Variants in AGBL3 observed in about 807,000 individuals in gnomAD.
AGBL3 encodes cytosolic carboxypeptidase 3.
Under a neutral mutation model 94.5 loss-of-function variants are expected in AGBL3, and 68 were observed. The observed-to-expected ratio is 0.72, with a 90% CI of 0.59 to 0.88. The LOEUF (loss-of-function observed/expected upper bound fraction) is 0.88, where lower values mean the gene tolerates loss of function less well. Ranked by LOEUF, AGBL3 falls within the 40% of genes least tolerant of loss-of-function variation. The pLI is 0.00. For missense variants in AGBL3, 934 were observed against 1,103.8 expected (o/e 0.85, Z 2.18); for synonymous variants, 354 against 370.7 (o/e 0.95, Z 0.52).
At chr7:134,999,960 T>C (rs1337856346) in intron 4 of AGBL3, among the ~76,000 whole-genome samples, 3 of 152,216 alleles carry the variant, frequency 2.0e-5, no homozygotes, top group Non-Finnish European at 2.9e-5. Context: ...GAGCTGTTCA[T>C]AGGGCACAGC....
intron 12 of AGBL3, among the ~76,000 whole-genome samples, chr7:135,068,806 T>C (rs1376122307): frequency 6.6e-6 from 1 of 152,160 alleles, no homozygotes; most frequent in African/African-American, 2.4e-5. Flanking sequence ...AGACCATCGA[T>C]GCTAGGAAGA....
At chr7:135,042,994 T>C (rs971340210) in intron 8 of AGBL3, among the ~76,000 whole-genome samples, 2 of 152,160 alleles carry the variant, frequency 1.3e-5, no homozygotes, top group Non-Finnish European at 2.9e-5. Flanking sequence ...AAATTGCACC[T>C]CAAAAAATTT....
intron 8 of AGBL3, among the ~76,000 whole-genome samples, chr7:135,042,843 T>TA (rs1418840913): frequency 1.3e-5 from 2 of 152,078 alleles, no homozygotes; most frequent in Non-Finnish European, 2.9e-5. Context: ...GCCCAGGAGT[T>TA]TGAGACTGCA....
intron 15 of AGBL3, among the ~76,000 whole-genome samples, chr7:135,097,023 C>G (rs972476313): frequency 1.3e-5 from 2 of 152,098 alleles, no homozygotes; most frequent in African/African-American, 4.8e-5. Flanking sequence ...TTTTATGACC[C>G]AAGAAGATAC....
At chr7:135,088,028 C>G (rs1257893563) in intron 15 of AGBL3, among the ~76,000 whole-genome samples, 2 of 151,986 alleles carry the variant, frequency 1.3e-5, no homozygotes, top group Non-Finnish European at 2.9e-5. Context: ...TATTCACAAT[C>G]ATTATATCTT....
intron 5 of AGBL3, among the ~76,000 whole-genome samples, chr7:135,029,743 T>G (rs1274606625): frequency 6.6e-6 from 1 of 152,242 alleles, no homozygotes; most frequent in Non-Finnish European, 1.5e-5. Context: ...GCTTTTGACA[T>G]GCCTTCCTCA....
chr7:135,047,448 C>T (rs370146716), intron 11 of AGBL3, among the ~76,000 whole-genome samples: 8 of 151,946 alleles, frequency 5.3e-5, no homozygotes, highest in Admixed American at 3.9e-4. Flanking sequence ...TTCTGAGGAA[C>T]CTCTGTGCTG....
At chr7:135,016,876 T>C (rs1481708707) in intron 4 of AGBL3, among the ~76,000 whole-genome samples, 176 bp from the exon 5 acceptor site, 4 of 152,196 alleles carry the variant, frequency 2.6e-5, no homozygotes, top group African/African-American at 9.6e-5. Flanking sequence ...ATGTCATAAG[T>C]TGTATTACAG....
chr7:135,115,425 T>C lies in AGBL3; in HGVS notation c.2156T>C (p.Phe719Ser), dbSNP rs776435914. 1.9e-6 allele frequency: 3 copies of C among 1,551,246 alleles called. No individual in the cohort carries two copies. The South Asian group carries it at 3.6e-5, about 18-fold the overall frequency. The change falls in exon 16 of 17, where the codon TTC becomes TCC. Residue 719 changes from phenylalanine (F) to serine (S), a missense_variant. Around this residue, in one of 3 missense-constraint regions of AGBL3, gnomAD observed 441 missense variants for 518.2 expected, o/e 0.85. Coordinates refer to ENST00000436302, the MANE Select transcript of AGBL3 (RefSeq NM_178563.4). ...LKSKIKECISFQSKKTGINWT... is the reference protein window; with the variant it reads ...LKSKIKECISSQSKKTGINWT... ...AGCAAAATAAAAGAATGCATATCTT[T>C]CCAAAGCAAGAAGACTGGCATAAAT...
chr7:135,018,183 G>T (rs1306182138), intron 5 of AGBL3, among the ~76,000 whole-genome samples: 2 of 152,172 alleles, frequency 1.3e-5, no homozygotes, highest in Middle Eastern at 3.2e-3. Context: ...GGCCTGAAAG[G>T]GTGAGAAGAC....
intron 4 of AGBL3, among the ~76,000 whole-genome samples, chr7:135,007,044 C>G (rs553700765): frequency 6.6e-6 from 1 of 151,900 alleles, no homozygotes; most frequent in East Asian, 1.9e-4. Context: ...AATAGAAAAA[C>G]TACTACAGAG....
rs75240029 is a variant in AGBL3, at chr7:134,999,267, A to G, written c.310+5589A>G. On this transcript the variant is annotated intron_variant, in intron 4 of 16. Transcript: ENST00000436302. ...GGGGTGCAAAGCCTAGTCCAGAGTAAATGTCTAGTCCTGTCAGGACCCTTT... is the reference window on the plus strand; with the variant it reads ...GGGGTGCAAAGCCTAGTCCAGAGTAGATGTCTAGTCCTGTCAGGACCCTTT... Among the ~76,000 whole-genome samples, 1,316 of 152,242 alleles carry G rather than the reference A, an allele frequency of 8.6e-3. 19 individuals are homozygous for G. The highest frequency in any genetic ancestry group is 0.03 in the African/African-American group (1,240 of 41,538).
intron 15 of AGBL3, among the ~76,000 whole-genome samples, chr7:135,100,673 C>CA (rs769994238): frequency 1.3e-5 from 2 of 152,130 alleles, no homozygotes; most frequent in Non-Finnish European, 2.9e-5. Flanking sequence ...TTTGGGCCTA[C>CA]TTTCACTTGG....
intron 4 of AGBL3, among the ~76,000 whole-genome samples, chr7:135,008,230 T>G (rs1023295379): frequency 1.3e-5 from 2 of 152,128 alleles, no homozygotes; most frequent in African/African-American, 4.8e-5. Context: ...ATTTCTGATT[T>G]CAAAACTTAC....
intron 4 of AGBL3, chr7:135,010,061 T>G (rs1236890210): frequency 2.3e-5 from 10 of 434,532 alleles, no homozygotes; most frequent in Non-Finnish European, 3.6e-5. Context: ...CATGCTGGAG[T>G]GAGTCTCACC....
Position 135,034,919 on chromosome 7 carries a change from T to C in AGBL3, c.1328T>C (p.Met443Thr), listed in dbSNP as rs1197916262. 2.0e-6 allele frequency: 3 copies of C among 1,510,052 alleles called. No individual in the cohort carries two copies. Among genetic ancestry groups the C allele is most frequent in the South Asian group, 2.7e-5 (2 of 75,268 alleles). 93.5% of individuals were successfully genotyped at this position (1,510,052 alleles called of 1,614,324 possible). A position where few individuals can be genotyped will look rare whatever the true frequency, so the allele number is the denominator to read the frequency against. The change falls in exon 7 of 17, where the codon ATG becomes ACG. Residue 443 changes from methionine (M) to threonine (T), a missense_variant. By Grantham distance (81) the Met-to-Thr change is moderately conservative. This residue lies in a region of AGBL3 where 488 missense variants were observed against 563.6 expected (regional missense o/e 0.87). Coordinates refer to ENST00000436302, the MANE Select transcript of AGBL3 (RefSeq NM_178563.4). ...CCTTCTGTATGGTATACCCGGAACA[T>C]GGTTCATAGGTAAAATAAGCCTCAA... ...SFPSVWYTRN[M>T]VHRLMEKREV...
At chr7:135,082,658 C>A (rs542942376) in intron 15 of AGBL3, among the ~76,000 whole-genome samples, 1 of 152,140 alleles carries the variant, frequency 6.6e-6, no homozygotes, top group East Asian at 1.9e-4. Flanking sequence ...CATAGTGCTA[C>A]CGCTAAGTTG....
Position 135,007,530 on chromosome 7 carries a change from C to T in AGBL3, c.311-9522C>T, listed in dbSNP as rs1350526364. On this transcript the variant is annotated intron_variant, in intron 4 of 16. Coordinates refer to ENST00000436302, the MANE Select transcript of AGBL3 (RefSeq NM_178563.4). ...CCAAATTAGGAAGAGAAAGGAAAGG[C>T]GTCTATGGAAATCCCACAGCTAATA... Among the ~76,000 whole-genome samples the T allele has an allele frequency of 4.0e-5, 6 of 151,864 alleles. No homozygotes were observed. The East Asian group carries it at 1.2e-3, about 29-fold the overall frequency.
At chr7:135,028,989 TTC>T (rs1390522948) in intron 5 of AGBL3, among the ~76,000 whole-genome samples, 1 of 152,244 alleles carries the variant, frequency 6.6e-6, no homozygotes, top group Non-Finnish European at 1.5e-5. Context: ...GGAATCTTTT[TTC>T]TGAGAGGTCA....
Sources: allele counts gnomAD v4.1 joint callset (sites outside exome capture counted in the v4.1 genomes callset), GRCh38; gene constraint gnomAD v4.1.1; regional missense constraint gnomAD v4.1.1; transcripts MANE v1.5; gene names NCBI Gene and HGNC (gene_info 2026-07-23, HGNC 2026-07-21).